Variants in NCKAP5 observed in about 807,000 individuals in gnomAD.
The protein encoded by NCKAP5 is nck-associated protein 5.
Under a neutral mutation model 167.0 loss-of-function variants are expected in NCKAP5, and 92 were observed. That is an observed-to-expected ratio of 0.55 (90% CI 0.47 to 0.66). The LOEUF is 0.66. NCKAP5 is among the 30% of genes least tolerant of loss of function. The probability of loss-of-function intolerance (pLI) is 0.00; values close to 1 mark genes in which losing one functional copy is unlikely to be tolerated. For missense variants in NCKAP5, 2,378 were observed against 2,315.0 expected (o/e 1.03, Z -0.56); for synonymous variants, 891 against 877.4 (o/e 1.02, Z -0.27).
At chr2:132,845,333 T>C (rs1031257450) in intron 11 of NCKAP5, among the ~76,000 whole-genome samples, 2 of 152,166 alleles carry the variant, frequency 1.3e-5, no homozygotes, top group Non-Finnish European at 2.9e-5. Context: ...CCTGTATGAC[T>C]TCTTGGTTTT....
At chr2:133,529,357 A>T (rs1167451984) in intron 2 of NCKAP5, among the ~76,000 whole-genome samples, 1 of 152,132 alleles carries the variant, frequency 6.6e-6, no homozygotes, top group African/African-American at 2.4e-5. Context: ...TGGCATTGAC[A>T]TCTATTGTTC....
intron 7 of NCKAP5, among the ~76,000 whole-genome samples, chr2:132,993,060 A>T (rs1028937371): frequency 1.3e-5 from 2 of 152,182 alleles, no homozygotes; most frequent in African/African-American, 4.8e-5. Flanking sequence ...TGGGTTGCAG[A>T]GCCCACAAAT....
chr2:133,479,724 C>A lies in NCKAP5; in HGVS notation c.69+37734G>T, dbSNP rs182325912. ...GTTGTCTTTCTGCTTTATTGCAGTA[C>A]AAGGGAATAAATAAAAGATGATGAA... On this transcript the variant is annotated intron_variant, in intron 3 of 19. Coordinates refer to ENST00000409261, the MANE Select transcript of NCKAP5 (RefSeq NM_207363.3). Among the ~76,000 whole-genome samples, 962 of 152,030 alleles carry A rather than the reference C, an allele frequency of 6.3e-3. 7 individuals are homozygous for A. The highest frequency in any genetic ancestry group is 0.015 in the South Asian group (73 of 4,800).
At chr2:133,429,551 TA>T (rs1461738879) in intron 3 of NCKAP5, among the ~76,000 whole-genome samples, 1 of 152,140 alleles carries the variant, frequency 6.6e-6, no homozygotes, top group African/African-American at 2.4e-5. Flanking sequence ...CTTCAACTTA[TA>T]AATGAAAATA....
chr2:133,343,890 G>A (rs550363516), intron 3 of NCKAP5, among the ~76,000 whole-genome samples: 57 of 152,292 alleles, frequency 3.7e-4, no homozygotes, highest in African/African-American at 1.3e-3. Context: ...GACAATTTCA[G>A]TCTAACAATG....
At chr2:133,037,987 A>G (rs59818946) in intron 6 of NCKAP5, among the ~76,000 whole-genome samples, 65,027 of 152,018 alleles carry the variant, frequency 0.43, 15,340 homozygotes, top group African/African-American at 0.61. Flanking sequence ...TGAGGATGTC[A>G]ACAAAAGAGA....
At chr2:133,276,825 A>T (rs1055341864) in intron 4 of NCKAP5, among the ~76,000 whole-genome samples, 2 of 152,144 alleles carry the variant, frequency 1.3e-5, no homozygotes, top group Non-Finnish European at 2.9e-5. Flanking sequence ...ACACTACATT[A>T]AAAAAATATC....
chr2:132,984,665 A>C (rs2077238139), intron 7 of NCKAP5, among the ~76,000 whole-genome samples: 1 of 152,068 alleles, frequency 6.6e-6, no homozygotes, highest in Non-Finnish European at 1.5e-5. Flanking sequence ...TTTTTCCAGC[A>C]GGCCTGTTCC....
intron 15 of NCKAP5, among the ~76,000 whole-genome samples, chr2:132,775,371 G>A (rs1682459901): frequency 6.6e-6 from 1 of 152,112 alleles, no homozygotes; most frequent in African/African-American, 2.4e-5. Context: ...CATGCTGATA[G>A]CCAGAGATGG....
chr2:132,835,402 C>T (rs1687818796), intron 11 of NCKAP5, among the ~76,000 whole-genome samples: 1 of 152,176 alleles, frequency 6.6e-6, no homozygotes, highest in Admixed American at 6.5e-5. Context: ...TCTGTGATCC[C>T]TGGTTGGCTA....
intron 4 of NCKAP5, among the ~76,000 whole-genome samples, chr2:133,295,076 G>C (rs1679867839): frequency 6.6e-6 from 1 of 152,240 alleles, no homozygotes; most frequent in Middle Eastern, 3.4e-3. Flanking sequence ...TTCCCCTCAG[G>C]AAATTAGTGA....
intron 3 of NCKAP5, among the ~76,000 whole-genome samples, chr2:133,423,550 T>C (rs1689614406): frequency 6.6e-6 from 1 of 152,212 alleles, no homozygotes; most frequent in Admixed American, 6.5e-5. Flanking sequence ...GAATTGTTAC[T>C]ACTAATTGCC....
intron 19 of NCKAP5, among the ~76,000 whole-genome samples, chr2:132,702,068 A>G (rs1317877019): frequency 6.6e-6 from 1 of 152,202 alleles, no homozygotes; most frequent in Non-Finnish European, 1.5e-5. Flanking sequence ...TGAACCACAT[A>G]GAATTTAAAA....
At chr2:133,005,146 T>C (rs2077920283) in intron 6 of NCKAP5, among the ~76,000 whole-genome samples, 1 of 152,124 alleles carries the variant, frequency 6.6e-6, no homozygotes, top group African/African-American at 2.4e-5. Flanking sequence ...ACATACATCC[T>C]CAGCTTACGA....
chr2:132,804,679 G>T (rs755061680), intron 11 of NCKAP5, among the ~76,000 whole-genome samples: 1 of 152,118 alleles, frequency 6.6e-6, no homozygotes, highest in Non-Finnish European at 1.5e-5. Context: ...CTTGCTCTGT[G>T]GGGGGAAGAG....
intron 8 of NCKAP5, among the ~76,000 whole-genome samples, chr2:132,935,108 G>A (rs1221259889): frequency 1.3e-5 from 2 of 152,182 alleles, no homozygotes; most frequent in Non-Finnish European, 2.9e-5. Context: ...GGGAAGTGAA[G>A]GCTCCCTGGG....
intron 3 of NCKAP5, among the ~76,000 whole-genome samples, chr2:133,312,706 A>G (rs948237141): frequency 1.3e-5 from 2 of 152,172 alleles, no homozygotes; most frequent in Non-Finnish European, 2.9e-5. Flanking sequence ...TTTGGCCTAA[A>G]TAAGATAGAA....
chr2:133,113,842 G>A (rs552014344), intron 6 of NCKAP5, among the ~76,000 whole-genome samples: 16 of 152,320 alleles, frequency 1.1e-4, no homozygotes, highest in African/African-American at 3.8e-4. Flanking sequence ...AGCTGGGGGT[G>A]AGAGAAGAAA....
intron 16 of NCKAP5, among the ~76,000 whole-genome samples, chr2:132,773,446 G>A (rs182203995): frequency 5.9e-5 from 9 of 152,284 alleles, no homozygotes; most frequent in South Asian, 2.1e-4. Flanking sequence ...TTGCTACTAC[G>A]TGTAAAACAT....
Sources: gnomAD v4.1 joint callset for allele counts (sites outside exome capture counted in the v4.1 genomes callset) on GRCh38, gnomAD v4.1.1 for gene constraint, MANE v1.5 for transcripts, NCBI Gene and HGNC (gene_info 2026-07-23, HGNC 2026-07-21) for gene names.